Variants in MAP7 observed in about 807,000 individuals in gnomAD.
MAP7 encodes microtubule associated protein 7, also known as ensconsin.
MAP7 carries 52 observed loss-of-function variants against 94.8 expected under a neutral mutation model. The observed-to-expected ratio is 0.55, with a 90% CI of 0.44 to 0.69. The LOEUF is 0.69. Among genes scored for constraint, MAP7 ranks in the 30% least tolerant of loss-of-function variants. The pLI is 0.00. For missense variants in MAP7, 940 were observed against 964.6 expected (o/e 0.97, Z 0.34); for synonymous variants, 350 against 357.0 (o/e 0.98, Z 0.22).
intron 1 of MAP7, among the ~76,000 whole-genome samples, chr6:136,518,871 T>C (rs1320853633): frequency 6.6e-6 from 1 of 152,234 alleles, no homozygotes; most frequent in Non-Finnish European, 1.5e-5. Flanking sequence ...TTGGTTCCTA[T>C]GATTGGAGGA....
intron 1 of MAP7, among the ~76,000 whole-genome samples, chr6:136,507,081 T>C (rs763972066): frequency 1.3e-5 from 2 of 152,072 alleles, no homozygotes; most frequent in Non-Finnish European, 2.9e-5. Context: ...GTGAATCGTT[T>C]CTGTTTTTTT....
At position 136,342,798 on chromosome 6, in the gene MAP7, T is replaced by C. The variant is rs1786810172; in HGVS notation, c.*1430A>G. The C allele has an allele frequency of 6.6e-6, 1 of 152,210 alleles. No homozygotes were observed. The highest frequency in any genetic ancestry group is 2.1e-4 in the South Asian group (1 of 4,826). The allele number at this position is 152,210 out of a possible 1,614,324, so 9.4% of individuals were successfully genotyped here. A position where few individuals can be genotyped will look rare whatever the true frequency, so the allele number is the denominator to read the frequency against. On this transcript the variant is annotated 3_prime_UTR_variant, in exon 18 of 18. Coordinates refer to ENST00000354570, the MANE Select transcript of MAP7 (RefSeq NM_003980.6). ...TGTTGATTTAAACAAATTAAACAAG[T>C]TTGTTGAACAGATTTCTTTTCTAAT...
chr6:136,406,467 C>T (rs547427428), intron 3 of MAP7, among the ~76,000 whole-genome samples: 130 of 152,162 alleles, frequency 8.5e-4, no homozygotes, highest in African/African-American at 3.1e-3. Context: ...AGCATCACTA[C>T]TAGTGGAAGA....
At chr6:136,419,586 TAA>T (rs1790603278) in intron 2 of MAP7, among the ~76,000 whole-genome samples, 1 of 151,890 alleles carries the variant, frequency 6.6e-6, no homozygotes, top group Admixed American at 6.5e-5. Context: ...ATGTGTACCT[TAA>T]GTAATATATA....
intron 1 of MAP7, among the ~76,000 whole-genome samples, chr6:136,432,814 C>A (rs1228111705): frequency 6.6e-6 from 1 of 152,026 alleles, no homozygotes; most frequent in Non-Finnish European, 1.5e-5. Context: ...ATTTTCCATA[C>A]TACAGAAAGA....
intron 1 of MAP7, among the ~76,000 whole-genome samples, chr6:136,543,386 C>T (rs998522830): frequency 2.6e-5 from 4 of 152,168 alleles, no homozygotes; most frequent in East Asian, 1.9e-4. Context: ...CAGCGGCTCA[C>T]GCCTGTAATC....
At chr6:136,514,512 G>A (rs1824188382) in intron 1 of MAP7, among the ~76,000 whole-genome samples, 2 of 145,778 alleles carry the variant, frequency 1.4e-5, no homozygotes, top group South Asian at 2.1e-4. Flanking sequence ...CTTGAACCCA[G>A]GAGGCAGAGG....
intron 1 of MAP7, chr6:136,526,743 C>A: frequency 2.1e-6 from 2 of 938,002 alleles, no homozygotes; most frequent in Non-Finnish European, 2.5e-6. Context: ...AAGGCTTTTT[C>A]TTCTTTTCTG....
At chr6:136,398,423 T>A (rs989497294) in intron 3 of MAP7, among the ~76,000 whole-genome samples, 25 of 152,358 alleles carry the variant, frequency 1.6e-4, no homozygotes, top group Non-Finnish European at 3.1e-4. Context: ...CGATAATCAA[T>A]AATTCCTGTC....
intron 1 of MAP7, among the ~76,000 whole-genome samples, chr6:136,494,743 A>C (rs567993981): frequency 6.6e-6 from 1 of 152,320 alleles, no homozygotes; most frequent in East Asian, 1.9e-4. Flanking sequence ...GAAAAAAACT[A>C]GTCCTCAAAA....
At chr6:136,422,721 A>G (rs977540748) in intron 1 of MAP7, among the ~76,000 whole-genome samples, 6 of 152,226 alleles carry the variant, frequency 3.9e-5, no homozygotes, top group Admixed American at 1.3e-4. Context: ...AAATTTCGTA[A>G]AATAAAAATA....
intron 1 of MAP7, among the ~76,000 whole-genome samples, chr6:136,490,915 C>T (rs1012316932): frequency 6.6e-6 from 1 of 152,152 alleles, no homozygotes; most frequent in Non-Finnish European, 1.5e-5. Flanking sequence ...TCATCTTATC[C>T]CCCAAAAATC....
intron 16 of MAP7, among the ~76,000 whole-genome samples, chr6:136,355,536 G>T (rs1243059925): frequency 1.3e-5 from 2 of 152,090 alleles, no homozygotes; most frequent in African/African-American, 4.8e-5. Context: ...CCTTTTAACT[G>T]CTGCCCATTA....
chr6:136,402,925 A>G (rs1784553618), intron 3 of MAP7, among the ~76,000 whole-genome samples: 3 of 147,574 alleles, frequency 2.0e-5, no homozygotes, highest in African/African-American at 7.7e-5. Context: ...AAAAAAAAAA[A>G]AAAAAAAAAA....
chr6:136,514,085 A>G (rs1222244407), intron 1 of MAP7, among the ~76,000 whole-genome samples: 2 of 152,064 alleles, frequency 1.3e-5, no homozygotes, highest in Admixed American at 6.6e-5. Flanking sequence ...ATGCATCATA[A>G]ATGTTCTTAA....
intron 1 of MAP7, among the ~76,000 whole-genome samples, chr6:136,465,787 G>C (rs1364566342): frequency 6.6e-6 from 1 of 151,986 alleles, no homozygotes; most frequent in Admixed American, 6.6e-5. Flanking sequence ...ACCACTTATT[G>C]ACACTAATCC....
At chr6:136,396,484 C>A (rs1562352092) in intron 3 of MAP7, among the ~76,000 whole-genome samples, 1 of 152,014 alleles carries the variant, frequency 6.6e-6, no homozygotes, top group Non-Finnish European at 1.5e-5. Context: ...ATATATAAGA[C>A]CATGTTGTCT....
In MAP7 at chr6:136,343,211, G is replaced by A. The variant is rs1786891385; in HGVS notation, c.*1017C>T. On this transcript the variant is annotated 3_prime_UTR_variant, in exon 18 of 18. Coordinates refer to ENST00000354570, the MANE Select transcript of MAP7 (RefSeq NM_003980.6). ...GAAAAGCTGACAGATGCCACGCAGA[G>A]CAAGGACTTCCATGAAGGTCCGTGT... is the stretch of plus-strand genomic sequence containing the variant. 1 of 152,656 alleles carries A rather than the reference G, an allele frequency of 6.6e-6. No individual in the cohort carries two copies. Among genetic ancestry groups the A allele is most frequent in the African/African-American group, 2.4e-5 (1 of 41,470 alleles). The allele number at this position is 152,656 out of a possible 1,614,324, so 9.5% of individuals were successfully genotyped here.
intron 1 of MAP7, chr6:136,467,023 G>A (rs1807355392): frequency 1.4e-6 from 1 of 740,622 alleles, no homozygotes; most frequent in Admixed American, 3.8e-5. Context: ...CAAAAACTGG[G>A]AAATGCTTCT....
Sources: gnomAD v4.1 joint callset for allele counts (sites outside exome capture counted in the v4.1 genomes callset) on GRCh38, gnomAD v4.1.1 for gene constraint, MANE v1.5 for transcripts, NCBI Gene and HGNC (gene_info 2026-07-23, HGNC 2026-07-21) for gene names.